Variants in SPSB1 observed in about 807,000 individuals in gnomAD.
SPSB1 encodes splA/ryanodine receptor domain and SOCS box containing 1.
In SPSB1, 8 loss-of-function variants were observed where a neutral mutation model predicts 21.2. The observed-to-expected ratio is 0.38, with a 90% CI of 0.22 to 0.68. SPSB1 has a LOEUF of 0.68. SPSB1 is among the 30% of genes least tolerant of loss of function. SPSB1 has a pLI of 0.53. For missense variants in SPSB1, 242 were observed against 377.8 expected, an observed-to-expected ratio of 0.64 and a Z score of 2.98; for synonymous variants, 169 against 161.7, an observed-to-expected ratio of 1.05 and a Z score of -0.34.
Position 9,346,495 on chromosome 1 carries a change from C to G in SPSB1, c.-149-9248C>G, listed in dbSNP as rs1640168241. ...GGGTGTAGCCGTTCCTTCAACAGAC[C>G]TCTTCCTAAAACACCACCACAAACA... On this transcript the variant is annotated intron_variant, in intron 1 of 2. Coordinates refer to ENST00000328089, the MANE Select transcript of SPSB1 (RefSeq NM_025106.4). The surrounding 1 kb of genome is among the most constrained non-coding windows in gnomAD (Gnocchi z 4.4). 2.6e-5 allele frequency among the ~76,000 whole-genome samples: 4 copies of G among 152,350 alleles called. No homozygotes were observed. The East Asian group carries it at 7.7e-4, about 29-fold the overall frequency.
chr1:9,329,483 T>G lies in SPSB1; in HGVS notation c.-149-26260T>G, dbSNP rs116089991. ...TTGGGAAGATGGGCATGGCCACCCA[T>G]CAGAAGTTAGTGCTGGACAGCCTGG... is the stretch of plus-strand genomic sequence containing the variant. On this transcript the variant is annotated intron_variant, in intron 1 of 2. Coordinates refer to ENST00000328089, the MANE Select transcript of SPSB1 (RefSeq NM_025106.4). Among the ~76,000 whole-genome samples the G allele has an allele frequency of 2.4e-3, 357 of 151,842 alleles. 1 individual carries two copies. Among genetic ancestry groups the G allele is most frequent in the African/African-American group, 8.4e-3 (348 of 41,408 alleles).
chr1:9,298,141 TA>T (rs1263658545), intron 1 of SPSB1, among the ~76,000 whole-genome samples: 1 of 151,966 alleles, frequency 6.6e-6, no homozygotes, highest in Non-Finnish European at 1.5e-5. Context: ...TGGCATTGGA[TA>T]GTTAATCATG....
At chr1:9,339,540 G>T (rs901095179) in intron 1 of SPSB1, among the ~76,000 whole-genome samples, 1 of 152,200 alleles carries the variant, frequency 6.6e-6, no homozygotes, top group Non-Finnish European at 1.5e-5. Flanking sequence ...AGATGGGGTT[G>T]TTTGAAGTGA....
Position 9,346,391 on chromosome 1 carries a change from A to G in SPSB1, c.-149-9352A>G, listed in dbSNP as rs879659778. Among the ~76,000 whole-genome samples, 55 of 152,200 alleles carry G rather than the reference A, an allele frequency of 3.6e-4. No individual in the cohort carries two copies. The highest frequency in any genetic ancestry group is 8.3e-4 in the South Asian group (4 of 4,814). ...GGTGAGTGTCTGCCACTCGCTGGTG[A>G]CAGACCCACCTCTGTGCATCCTTTA... On this transcript the variant is annotated intron_variant, in intron 1 of 2. Coordinates refer to ENST00000328089, the MANE Select transcript of SPSB1 (RefSeq NM_025106.4). The surrounding 1 kb of genome is among the most constrained non-coding windows in gnomAD (Gnocchi z 4.4).
intron 1 of SPSB1, among the ~76,000 whole-genome samples, chr1:9,354,020 C>T (rs1640320209): frequency 6.6e-6 from 1 of 152,140 alleles, no homozygotes; most frequent in South Asian, 2.1e-4. Context: ...AGTGTTCCCG[C>T]ATGGGAAGGT....
intron 2 of SPSB1, among the ~76,000 whole-genome samples, chr1:9,359,705 G>GAAAAA (rs70979734): frequency 2.3e-5 from 3 of 131,184 alleles, no homozygotes; most frequent in Non-Finnish European, 4.8e-5. Flanking sequence ...CCGTCTCTGG[G>GAAAAA]AAAAAAAAAA....
At position 9,326,481 on chromosome 1, in the gene SPSB1, G is replaced by A. The variant is rs146849149; in HGVS notation, c.-149-29262G>A. ...GACCAGAGGGAACAGGGAGGCAGGA[G>A]GTTCACCTCGAGACCACCAGAGTCA... On this transcript the variant is annotated intron_variant, in intron 1 of 2. Transcript: ENST00000328089. Among the ~76,000 whole-genome samples, 379 of 152,352 alleles carry A rather than the reference G, an allele frequency of 2.5e-3. 3 individuals are homozygous for A. The highest frequency in any genetic ancestry group is 4.3e-3 in the Non-Finnish European group (290 of 68,030).
In SPSB1 at chr1:9,340,283, G is replaced by C. The variant is rs529269343; in HGVS notation, c.-149-15460G>C. Among the ~76,000 whole-genome samples, 7 of 152,280 alleles carry C rather than the reference G, an allele frequency of 4.6e-5. No homozygotes were observed. The South Asian group carries it at 1.2e-3, about 27-fold the overall frequency. On this transcript the variant is annotated intron_variant, in intron 1 of 2. Transcript: ENST00000328089. The stretch of plus-strand genomic sequence containing the variant: ...CTGTCAATCAGCAGAGGAGGGGCCT[G>C]GGGGGGAAGGCAGGGACACTGGTGT...
At chr1:9,325,949 G>C (rs11585353) in intron 1 of SPSB1, among the ~76,000 whole-genome samples, 5,134 of 152,162 alleles carry the variant, frequency 0.034, 128 homozygotes, top group Non-Finnish European at 0.051. Flanking sequence ...ACAGCCAGAA[G>C]ACCAGTGGGG....
At chr1:9,307,056 T>A (rs938872175) in intron 1 of SPSB1, among the ~76,000 whole-genome samples, 1 of 151,826 alleles carries the variant, frequency 6.6e-6, no homozygotes, top group Admixed American at 6.6e-5. Context: ...GCCTCCTGGG[T>A]AGCTGGGATT....
intron 1 of SPSB1, among the ~76,000 whole-genome samples, chr1:9,323,435 G>A (rs1639758331): frequency 6.6e-6 from 1 of 152,184 alleles, no homozygotes; most frequent in African/African-American, 2.4e-5. Context: ...AGATCTCAGG[G>A]GATGTCAGAG....
rs146961224 is a variant in SPSB1, at chr1:9,331,746, G to T, written c.-149-23997G>T. On this transcript the variant is annotated intron_variant, in intron 1 of 2. Coordinates refer to ENST00000328089, the MANE Select transcript of SPSB1 (RefSeq NM_025106.4). ...CCAGCCACGTTGGTACTTGCTCTCCGCTTCCTGTGTGTAGACAGGAGGCAC... is the reference window on the plus strand; with the variant it reads ...CCAGCCACGTTGGTACTTGCTCTCCTCTTCCTGTGTGTAGACAGGAGGCAC... Among the ~76,000 whole-genome samples, 3 of 152,200 alleles carry T rather than the reference G, an allele frequency of 2.0e-5. No homozygotes were observed. In the South Asian group the frequency reaches 6.2e-4, roughly 32 times the overall value.
intron 1 of SPSB1, among the ~76,000 whole-genome samples, chr1:9,330,285 C>T (rs573166985): frequency 1.3e-5 from 2 of 152,148 alleles, no homozygotes; most frequent in South Asian, 4.1e-4. Context: ...CTGGGCAACA[C>T]GGTGAAACCC....
intron 1 of SPSB1, among the ~76,000 whole-genome samples, chr1:9,340,222 GTC>G (rs1640068759): frequency 6.6e-6 from 1 of 152,164 alleles, no homozygotes. Flanking sequence ...TTTCTCTCCT[GTC>G]TGGTTTTCCA....
chr1:9,331,798 C>G (rs1639925307), intron 1 of SPSB1, among the ~76,000 whole-genome samples: 1 of 152,188 alleles, frequency 6.6e-6, no homozygotes, highest in South Asian at 2.1e-4. Context: ...CTGTAGCAAT[C>G]TGGAGGGTGC....
chr1:9,344,045 C>T (rs1372596154), intron 1 of SPSB1, among the ~76,000 whole-genome samples: 2 of 152,196 alleles, frequency 1.3e-5, no homozygotes, highest in Non-Finnish European at 2.9e-5. Flanking sequence ...ACCTCGGCCT[C>T]CCAAAGTGCT....
At chr1:9,308,439 C>T (rs941409675) in intron 1 of SPSB1, among the ~76,000 whole-genome samples, 1 of 152,202 alleles carries the variant, frequency 6.6e-6, no homozygotes, top group African/African-American at 2.4e-5. Context: ...GCCTCAGGCA[C>T]GAGAGAAAAC....
intron 1 of SPSB1, among the ~76,000 whole-genome samples, chr1:9,326,236 C>T (rs905640047): frequency 9.9e-5 from 15 of 152,204 alleles, no homozygotes; most frequent in African/African-American, 3.6e-4. Flanking sequence ...GCCCCTGGGA[C>T]CCTTTCCAAT....
intron 1 of SPSB1, among the ~76,000 whole-genome samples, chr1:9,353,369 G>A (rs1172686428): frequency 6.6e-6 from 1 of 152,166 alleles, no homozygotes; most frequent in African/African-American, 2.4e-5. Flanking sequence ...GCCACAGGGT[G>A]TCCCTCTGCA....
Sources: gnomAD v4.1 joint callset for allele counts (sites outside exome capture counted in the v4.1 genomes callset) on GRCh38, gnomAD v4.1.1 for gene constraint, Gnocchi (gnomAD v3.1) non-coding constraint, MANE v1.5 for transcripts, NCBI Gene and HGNC (gene_info 2026-07-23, HGNC 2026-07-21) for gene names.